TCAF1: variants seen among roughly 807,000 people sequenced by gnomAD.
TCAF1 encodes the protein TRPM8 channel-associated factor 1.
A neutral mutation model predicts 27.3 loss-of-function variants in TCAF1; 4 were observed. The ratio of observed to expected loss-of-function variants is 0.15; its 90% CI spans 0.07 to 0.34. TCAF1 has a LOEUF of 0.34. TCAF1 is among the 10% of genes least tolerant of loss of function. TCAF1 has a pLI of 1.00. For missense variants in TCAF1, 257 were observed against 425.8 expected, an observed-to-expected ratio of 0.60 and a Z score of 3.49; for synonymous variants, 105 against 167.1, an observed-to-expected ratio of 0.63 and a Z score of 2.87.
chr7:143,878,914 C>T (rs1308676566), intron 1 of TCAF1, among the ~76,000 whole-genome samples: 1 of 152,150 alleles, frequency 6.6e-6, no homozygotes, highest in Non-Finnish European at 1.5e-5. Context: ...GTTACCAAGA[C>T]CTCTTCCCAC....
intron 1 of TCAF1, chr7:143,885,177 T>C (rs1813332544): frequency 1.0e-6 from 1 of 985,436 alleles, no homozygotes; most frequent in African/African-American, 1.7e-5. Context: ...GGGCCTGGTC[T>C]GGTCCCCGAA....
chr7:143,880,666 T>C (rs1812965662), intron 1 of TCAF1, among the ~76,000 whole-genome samples: 1 of 152,220 alleles, frequency 6.6e-6, no homozygotes, highest in African/African-American at 2.4e-5. Flanking sequence ...CAACTGATCC[T>C]GGCTCACTGG....
chr7:143,875,945 T>C (rs780341984), intron 2 of TCAF1, 44 bp downstream of exon 2: 1 of 1,509,728 alleles, frequency 6.6e-7, no homozygotes, highest in Non-Finnish European at 8.9e-7. Context: ...CTGGGTCTGC[T>C]TTTCAACCCT....
chr7:143,889,890 T>C (rs374505817), intron 1 of TCAF1, among the ~76,000 whole-genome samples: 1 of 152,210 alleles, frequency 6.6e-6, no homozygotes, highest in Admixed American at 6.5e-5. Context: ...AAGGGCAATT[T>C]TGAGTTTCAA....
chr7:143,899,054 C>G (rs538415427), intron 1 of TCAF1, among the ~76,000 whole-genome samples: 2 of 152,296 alleles, frequency 1.3e-5, no homozygotes, highest in South Asian at 4.1e-4. Context: ...GAACTGTGAG[C>G]TGATAAATTT....
intron 1 of TCAF1, chr7:143,885,159 G>A: frequency 1.0e-6 from 1 of 985,538 alleles, no homozygotes; most frequent in Non-Finnish European, 1.2e-6. Context: ...GAATTGGTCC[G>A]TGTGCCCGGG....
intron 1 of TCAF1, among the ~76,000 whole-genome samples, chr7:143,877,853 C>A (rs1812800058): frequency 6.6e-6 from 1 of 152,174 alleles, no homozygotes; most frequent in South Asian, 2.1e-4. Flanking sequence ...ACTTTCTGTC[C>A]TTTTCTGACC....
chr7:143,896,261 G>T (rs554177148), intron 1 of TCAF1, among the ~76,000 whole-genome samples: 73 of 151,854 alleles, frequency 4.8e-4, no homozygotes, highest in Non-Finnish European at 9.4e-4. Flanking sequence ...ACATTAATAG[G>T]TATCATAATG....
chr7:143,898,339 G>A (rs1296817064), intron 1 of TCAF1, among the ~76,000 whole-genome samples: 1 of 152,020 alleles, frequency 6.6e-6, no homozygotes, highest in Non-Finnish European at 1.5e-5. Context: ...GGAGCTCCTA[G>A]TCATTGTCAT....
intron 1 of TCAF1, among the ~76,000 whole-genome samples, chr7:143,892,590 C>T (rs59619603): frequency 0.022 from 3,238 of 146,456 alleles, 133 homozygotes; most frequent in African/African-American, 0.076. Flanking sequence ...TGCAGTGGTG[C>T]GATCTTGGCT....
At chr7:143,894,156 C>T (rs868535455) in intron 1 of TCAF1, among the ~76,000 whole-genome samples, 2 of 151,358 alleles carry the variant, frequency 1.3e-5, no homozygotes, top group African/African-American at 4.8e-5. Flanking sequence ...ATAATTTATC[C>T]AAAACAGCAA....
intron 1 of TCAF1, among the ~76,000 whole-genome samples, chr7:143,891,443 T>C (rs1434699853): frequency 6.6e-6 from 1 of 151,440 alleles, no homozygotes; most frequent in Non-Finnish European, 1.5e-5. Context: ...AAAAGTAAAA[T>C]GAAAAATTAA....
At chr7:143,881,555 G>T (rs978320696) in intron 1 of TCAF1, among the ~76,000 whole-genome samples, 1 of 152,002 alleles carries the variant, frequency 6.6e-6, no homozygotes, top group Admixed American at 6.5e-5. Context: ...TCATACACCT[G>T]TAAGAATATG....
In TCAF1 at chr7:143,851,420, T is replaced by A. The variant is rs1811277080; in HGVS notation, c.*2713A>T. On this transcript the variant is annotated 3_prime_UTR_variant, in exon 9 of 9. Transcript: ENST00000479870. ...TTAAAAATTTTTTCAAAGTAATACA[T>A]GCACAAGGTAAAAAATTAAATAGTA... 1 of 152,296 alleles carries A rather than the reference T, an allele frequency of 6.6e-6. No individual in the cohort carries two copies. The highest frequency in any genetic ancestry group is 2.4e-5 in the African/African-American group (1 of 41,468). 9.4% of individuals were successfully genotyped at this position (152,296 alleles called of 1,614,324 possible). A position where few individuals can be genotyped will look rare whatever the true frequency, so the allele number is the denominator to read the frequency against.
intron 1 of TCAF1, among the ~76,000 whole-genome samples, chr7:143,880,850 C>T (rs1334247656): frequency 1.3e-5 from 2 of 152,308 alleles, no homozygotes; most frequent in African/African-American, 2.4e-5. Flanking sequence ...TCTCTATGCC[C>T]GAATCCATGT....
At chr7:143,882,515 C>G in intron 1 of TCAF1, 1 of 985,352 alleles carries the variant, frequency 1.0e-6, no homozygotes, top group Non-Finnish European at 1.2e-6. Flanking sequence ...ATGCGGGACC[C>G]AAGCGCAGAG....
At chr7:143,895,259 A>G (rs1005225331) in intron 1 of TCAF1, among the ~76,000 whole-genome samples, 5 of 151,898 alleles carry the variant, frequency 3.3e-5, no homozygotes, top group African/African-American at 1.2e-4. Context: ...TAATAGTCAG[A>G]AACACTGGAA....
chr7:143,859,925 T>TG, intron 6 of TCAF1, among the ~76,000 whole-genome samples: 1 of 83,420 alleles, frequency 1.2e-5, no homozygotes, highest in South Asian at 3.8e-4. Context: ...GGAATATATA[T>TG]TATATAATAT....
rs767520997 is a variant in TCAF1 at position 143,876,075 on chromosome 7, C to T, written c.534G>A (p.Val178=). The change falls in exon 2 of 9, where the codon GTG becomes GTA. Residue 178 remains valine (V), a synonymous_variant. Transcript: ENST00000479870. ...FTFPGNLVTS[V]AGIYFTDNKG... ...TGTTGTCAGTAAAGTAAATGCCAGC[C>T]ACACTGGTCACGAGGTTCCCAGGGA... 3 of 1,612,398 alleles carry T rather than the reference C, an allele frequency of 1.9e-6. No individual in the cohort carries two copies. Among genetic ancestry groups the T allele is most frequent in the Non-Finnish European group, 2.5e-6 (3 of 1,178,906 alleles).
Sources: allele counts gnomAD v4.1 joint callset (sites outside exome capture counted in the v4.1 genomes callset), GRCh38; gene constraint gnomAD v4.1.1; transcripts MANE v1.5; gene names NCBI Gene and HGNC (gene_info 2026-07-23, HGNC 2026-07-21).